CMTR1: variants seen among roughly 807,000 people sequenced by gnomAD.
The protein encoded by CMTR1 is cap methyltransferase 1.
A neutral mutation model predicts 107.0 loss-of-function variants in CMTR1; 39 were observed. That is an observed-to-expected ratio of 0.36 (90% confidence interval 0.28 to 0.48). The LOEUF (loss-of-function observed/expected upper bound fraction) is 0.48. Among genes scored for constraint, CMTR1 ranks in the 20% least tolerant of loss-of-function variants. CMTR1 has a pLI of 0.99. For missense variants in CMTR1, 672 were observed against 1,064.9 expected (o/e 0.63, Z 5.14); for synonymous variants, 366 against 379.5 (o/e 0.96, Z 0.41).
rs757997252 is a variant in CMTR1 at position 37,472,506 on chromosome 6, G to A, written c.1689+19G>A. The A allele has an allele frequency of 1.2e-6, 2 of 1,612,466 alleles. No individual in the cohort carries two copies. Among genetic ancestry groups the A allele is most frequent in the South Asian group, 1.1e-5 (1 of 91,042 alleles). ...AATCCAGGTAAGACTGGTATCTGTG[G>A]TGGACATAAAAAGTTAGAGATCTGT... On this transcript the variant is annotated intron_variant, in intron 16 of 23. Coordinates refer to ENST00000373451, the MANE Select transcript of CMTR1 (RefSeq NM_015050.3). The surrounding 1 kb of genome is among the most constrained non-coding windows in gnomAD (Gnocchi z 4.1).
At chr6:37,441,153 A>T (rs1771666063) in intron 2 of CMTR1, among the ~76,000 whole-genome samples, 1 of 152,198 alleles carries the variant, frequency 6.6e-6, no homozygotes, top group Non-Finnish European at 1.5e-5. Flanking sequence ...GTACAGGTTG[A>T]AGGCATGAAA....
In CMTR1 at chr6:37,453,221, C is replaced by A; in HGVS notation, c.705-19C>A. ...TGAGCCTAGTACATCTAGTACTTTT[C>A]TGTCTTGCTTTATTGCAGGGCAGCA... On this transcript the variant is annotated intron_variant, in intron 7 of 23. Transcript: ENST00000373451. 6.2e-7 allele frequency: 1 copy of A among 1,614,006 alleles called. No homozygotes were observed. The highest frequency in any genetic ancestry group is 1.1e-5 in the South Asian group (1 of 91,070).
chr6:37,457,414 C>T (rs565643595), intron 8 of CMTR1, among the ~76,000 whole-genome samples: 7 of 151,998 alleles, frequency 4.6e-5, no homozygotes, highest in Non-Finnish European at 1.0e-4. Context: ...CTGACTGTGC[C>T]CTGCCCCAAC....
intron 13 of CMTR1, among the ~76,000 whole-genome samples, chr6:37,467,799 T>C (rs1761536916): frequency 6.6e-6 from 1 of 152,184 alleles, no homozygotes; most frequent in Admixed American, 6.5e-5. Flanking sequence ...GCTTAGTGTT[T>C]ATATGGTCTT....
chr6:37,480,653 T>C lies in CMTR1; in HGVS notation c.*508T>C. 9.8e-7 allele frequency: 1 copy of C among 1,023,748 alleles called. No individual in the cohort carries two copies. Among genetic ancestry groups the C allele is most frequent in the Non-Finnish European group, 1.2e-6 (1 of 855,192 alleles). 63.4% of individuals were successfully genotyped at this position (1,023,748 alleles called of 1,614,324 possible). A position where few individuals can be genotyped will look rare whatever the true frequency, so the allele number is the denominator to read the frequency against. On this transcript the variant is annotated 3_prime_UTR_variant, in exon 24 of 24. Transcript: ENST00000373451. ...TATAAAAAAATCAAGGTTTTGTTTC[T>C]TTGAACTTACTCTGTTTTGATGCCA...
intron 2 of CMTR1, among the ~76,000 whole-genome samples, chr6:37,436,734 T>C (rs1554197394): frequency 6.6e-6 from 1 of 152,162 alleles, no homozygotes; most frequent in Non-Finnish European, 1.5e-5. Context: ...TGTAATCTAG[T>C]ATTACATTTG....
rs1048668455 is a variant in CMTR1, at chr6:37,451,886, T to C, written c.609+9T>C. 3 of 1,610,026 alleles carry C rather than the reference T, an allele frequency of 1.9e-6. No individual in the cohort carries two copies. The highest frequency in any genetic ancestry group is 2.5e-6 in the Non-Finnish European group (3 of 1,177,562). On this transcript the variant is annotated intron_variant, in intron 6 of 23. Coordinates refer to ENST00000373451, the MANE Select transcript of CMTR1 (RefSeq NM_015050.3). ...GTGTGTTGCAGTGTAAGGTAAGGTC[T>C]TGTGGCTAGAACCAGATAATGAAAA... is the stretch of plus-strand genomic sequence containing the variant.
intron 8 of CMTR1, among the ~76,000 whole-genome samples, 170 bp downstream of exon 8, chr6:37,453,482 G>A (rs964252889): frequency 6.6e-6 from 1 of 152,216 alleles, no homozygotes; most frequent in Non-Finnish European, 1.5e-5. Context: ...GGTCCCAGGA[G>A]TGAAGCAGTT....
chr6:37,428,057 A>AGAGAGAGAGAGAGG, the CMTR1 span, among the ~76,000 whole-genome samples: 510 of 143,142 alleles, frequency 3.6e-3, 2 homozygotes, highest in African/African-American at 5.5e-3. Context: ...AGAGAGAGAG[A>AGAGAGAGAGAGAGG]GAGAAACTCT....
At chr6:37,447,926 T>C (rs1045489266) in intron 4 of CMTR1, among the ~76,000 whole-genome samples, 1 of 138,768 alleles carries the variant, frequency 7.2e-6, no homozygotes, top group Non-Finnish European at 1.5e-5. Context: ...TTAGGTCAAG[T>C]GGGGCCAGGC....
At chr6:37,474,012 G>T (rs1049460849) in intron 17 of CMTR1, among the ~76,000 whole-genome samples, 1 of 152,184 alleles carries the variant, frequency 6.6e-6, no homozygotes, top group Non-Finnish European at 1.5e-5. Flanking sequence ...GGAGTCTAAA[G>T]TGAGGTGAGG....
intron 8 of CMTR1, among the ~76,000 whole-genome samples, chr6:37,453,650 T>C (rs897650857): frequency 2.7e-5 from 2 of 73,094 alleles, no homozygotes; most frequent in African/African-American, 1.3e-4. Context: ...GAGGGGAATA[T>C]GGTTTGAGTG....
chr6:37,471,794 G>C, intron 14 of CMTR1, 53 bp from the exon 15 acceptor site: 1 of 1,528,096 alleles, frequency 6.5e-7, no homozygotes, highest in Non-Finnish European at 9.1e-7. Context: ...TGCACAGGGG[G>C]CACTCCTGTG....
chr6:37,478,481 C>T lies in CMTR1; in HGVS notation c.2226C>T (p.His742=), dbSNP rs748341035. The change falls in exon 22 of 24, where the codon CAC becomes CAT. Residue 742 remains histidine (H), a synonymous_variant. Coordinates refer to ENST00000373451, the MANE Select transcript of CMTR1 (RefSeq NM_015050.3). ...GCTACACAGGGCGTGATGACCGGCA[C>T]TTTGTACCCATGGGCCTCTACATCG... ...KLSYTGRDDR[H]FVPMGLYIVR... 2.2e-5 allele frequency: 36 copies of T among 1,614,088 alleles called. No individual in the cohort carries two copies. The highest frequency in any genetic ancestry group is 1.8e-4 in the South Asian group (16 of 91,080).
At chr6:37,451,052 C>T (rs1280066343) in intron 5 of CMTR1, among the ~76,000 whole-genome samples, 1 of 151,632 alleles carries the variant, frequency 6.6e-6, no homozygotes, top group East Asian at 1.9e-4. Context: ...TCTCCTCACT[C>T]ATTTTTTTTT....
At chr6:37,474,788 A>C in intron 18 of CMTR1, 142 bp downstream of exon 18, 1 of 1,279,246 alleles carries the variant, frequency 7.8e-7, no homozygotes, top group East Asian at 2.5e-5. Flanking sequence ...GTTTATAATG[A>C]CTCCTCCCCG....
intron 13 of CMTR1, among the ~76,000 whole-genome samples, chr6:37,466,113 TG>T (rs199668423): frequency 0.016 from 1,914 of 122,038 alleles, 79 homozygotes; most frequent in African/African-American, 0.075. Flanking sequence ...TTACAGTTTT[TG>T]TTTTTTTTTT....
chr6:37,435,707 C>T lies in CMTR1; in HGVS notation c.78C>T (p.Ser26=), dbSNP rs1399405900. The T allele has an allele frequency of 6.2e-7, 1 of 1,603,420 alleles. No individual in the cohort carries two copies. The highest frequency in any genetic ancestry group is 1.3e-5 in the African/African-American group (1 of 74,502). Residue 26 remains serine (S), a synonymous_variant, in exon 2 of 24, where the codon AGC becomes AGT. Coordinates refer to ENST00000373451, the MANE Select transcript of CMTR1 (RefSeq NM_015050.3). The stretch of plus-strand genomic sequence containing the variant: ...AAAGAGTTGCAGAGCTTGCCCTGAG[C>T]CTCAGCTCCACGTCCGATGATGAAC... ...QKKRVAELAL[S]LSSTSDDEPP... is the part of the protein sequence containing the mutation.
intron 2 of CMTR1, among the ~76,000 whole-genome samples, chr6:37,443,134 C>G (rs1184506900): frequency 6.6e-6 from 1 of 152,122 alleles, no homozygotes; most frequent in South Asian, 2.1e-4. Flanking sequence ...AATGCTAACC[C>G]CTGAATGTGT....
Sources: allele counts gnomAD v4.1 joint callset (sites outside exome capture counted in the v4.1 genomes callset), GRCh38; gene constraint gnomAD v4.1.1; non-coding constraint Gnocchi (gnomAD v3.1); transcripts MANE v1.5; gene names NCBI Gene and HGNC (gene_info 2026-07-23, HGNC 2026-07-21).